TENM2: variants seen among roughly 807,000 people sequenced by gnomAD.
TENM2 encodes teneurin transmembrane protein 2.
In TENM2, 52 loss-of-function variants were observed where a neutral mutation model predicts 245.2. That is an observed-to-expected ratio of 0.21 (90% CI 0.17 to 0.27). The LOEUF (loss-of-function observed/expected upper bound fraction) is 0.27, where lower values mean the gene tolerates loss of function less well. Ranked by LOEUF, TENM2 falls within the 10% of genes least tolerant of loss-of-function variation. The pLI is 1.00. For synonymous variants in TENM2, 1,363 were observed against 1,438.9 expected (o/e 0.95, Z 1.19); for missense variants, 3,046 against 3,666.8 (o/e 0.83, Z 4.37).
intron 2 of TENM2, among the ~76,000 whole-genome samples, chr5:167,398,126 C>A (rs989367295): frequency 6.6e-6 from 1 of 152,138 alleles, no homozygotes; most frequent in Non-Finnish European, 1.5e-5. Flanking sequence ...GGGCAACAGA[C>A]CTAAATCTCT....
the TENM2 span, among the ~76,000 whole-genome samples, chr5:167,055,071 C>T: frequency 6.6e-6 from 1 of 151,836 alleles, no homozygotes; most frequent in South Asian, 2.1e-4. Context: ...TGGATTGTGC[C>T]TTTGATGTTG....
chr5:167,469,889 C>T (rs1766904968), intron 2 of TENM2, among the ~76,000 whole-genome samples: 2 of 152,016 alleles, frequency 1.3e-5, no homozygotes, highest in Non-Finnish European at 2.9e-5. Context: ...AGAAAAATTG[C>T]AAATGTGTTT....
In TENM2 at chr5:168,247,263, T is replaced by A; in HGVS notation, c.6324T>A (p.Ser2108Arg). The change falls in exon 27 of 29, where the codon AGT becomes AGA. Residue 2108 changes from serine to arginine, a missense_variant. By Grantham distance (110) the Ser-to-Arg change is moderately radical. This residue lies in a region of TENM2 where 2,704 missense variants were observed against 3,331.9 expected (regional missense o/e 0.81). Transcript: ENST00000518659. The surrounding 1 kb of genome is among the most constrained non-coding windows in gnomAD (Gnocchi z 7.8). The stretch of plus-strand genomic sequence containing the variant: ...TCGCAAGCATCAAGCCCGTCATAAG[T>A]GAGACTCCCCTCCCCGTTGACCTCT... 1 of 1,613,986 alleles carries A rather than the reference T, an allele frequency of 6.2e-7. No individual in the cohort carries two copies. Among genetic ancestry groups the A allele is most frequent in the Non-Finnish European group, 8.5e-7 (1 of 1,179,894 alleles).
chr5:167,952,360 T>C (rs1780177060), intron 3 of TENM2: 2 of 588,276 alleles, frequency 3.4e-6, no homozygotes, highest in African/African-American at 3.7e-5. Flanking sequence ...TAAATTAGTT[T>C]CTCATTATTC....
chr5:167,233,842 A>G, the TENM2 span, among the ~76,000 whole-genome samples: 1 of 152,148 alleles, frequency 6.6e-6, no homozygotes, highest in Non-Finnish European at 1.5e-5. Flanking sequence ...TGTATGTATG[A>G]CAGGCTCATA....
intron 3 of TENM2, among the ~76,000 whole-genome samples, chr5:167,946,563 A>G: frequency 6.6e-6 from 1 of 152,228 alleles, no homozygotes; most frequent in Non-Finnish European, 1.5e-5. Context: ...CAAATGTGCA[A>G]AGAAATGAGT....
chr5:167,505,590 T>A lies in TENM2; in HGVS notation c.502+130117T>A, dbSNP rs78778063. 3.3e-3 allele frequency among the ~76,000 whole-genome samples: 496 copies of A among 152,316 alleles called. 24 individuals carry two copies. The South Asian group carries it at 0.082, about 25-fold the overall frequency. On this transcript the variant is annotated intron_variant, in intron 2 of 28. Transcript: ENST00000518659. ...GTTGTTTTAAAATACTCAATTTGTA[T>A]GGAGTTTGGATATTTTATGAAGTAA...
At chr5:167,135,304 C>T in the TENM2 span, among the ~76,000 whole-genome samples, 3,424 of 152,190 alleles carry the variant, frequency 0.022, 119 homozygotes, top group African/African-American at 0.075. Flanking sequence ...AAGTGAATTG[C>T]GCCCCGAAAC....
chr5:167,697,072 A>G (rs1166655065), intron 2 of TENM2, among the ~76,000 whole-genome samples: 1 of 152,038 alleles, frequency 6.6e-6, no homozygotes, highest in Non-Finnish European at 1.5e-5. Context: ...AGTTTCTCAC[A>G]CTTGCCTGGT....
the TENM2 span, among the ~76,000 whole-genome samples, chr5:167,128,426 C>T: frequency 7.2e-5 from 11 of 151,990 alleles, no homozygotes; most frequent in South Asian, 1.5e-3. Flanking sequence ...AAAACTCAGA[C>T]GGCTGATTCA....
rs192619904 is a variant in TENM2, at chr5:167,364,320, A to G, written c.227-10878A>G. ...AAAAAATCTGTGAAAAGATAGACAA[A>G]AAGCCTAGACAAAATTTAAATGAAA... On this transcript the variant is annotated intron_variant, in intron 1 of 28. Transcript: ENST00000518659. Among the ~76,000 whole-genome samples, 1,081 of 152,268 alleles carry G rather than the reference A, an allele frequency of 7.1e-3. 11 individuals carry two copies. The highest frequency in any genetic ancestry group is 0.054 in the Middle Eastern group (16 of 294).
intron 2 of TENM2, among the ~76,000 whole-genome samples, chr5:167,832,583 G>A (rs970424193): frequency 1.6e-4 from 25 of 152,058 alleles, no homozygotes; most frequent in African/African-American, 5.6e-4. Context: ...GTGCAAGTGT[G>A]GATGGATGGA....
At chr5:167,075,949 C>A in the TENM2 span, among the ~76,000 whole-genome samples, 3 of 152,170 alleles carry the variant, frequency 2.0e-5, no homozygotes, top group Non-Finnish European at 4.4e-5. Flanking sequence ...CAATAAGGGG[C>A]TTTATAAACA....
chr5:167,732,923 A>G (rs1307012318), intron 2 of TENM2, among the ~76,000 whole-genome samples: 1 of 152,234 alleles, frequency 6.6e-6, no homozygotes, highest in Non-Finnish European at 1.5e-5. Context: ...CCATGTGTTC[A>G]CTTTTCATTA....
chr5:168,103,431 C>G (rs1793981027), intron 9 of TENM2, among the ~76,000 whole-genome samples: 1 of 152,142 alleles, frequency 6.6e-6, no homozygotes, highest in African/African-American at 2.4e-5. Flanking sequence ...TCCCACATTG[C>G]ATTTAATCGT....
intron 2 of TENM2, among the ~76,000 whole-genome samples, chr5:167,863,914 A>G (rs1772072212): frequency 6.6e-6 from 1 of 152,316 alleles, no homozygotes; most frequent in South Asian, 2.1e-4. Context: ...TATGTTATCC[A>G]TGTCCTAACA....
intron 2 of TENM2, among the ~76,000 whole-genome samples, chr5:167,775,129 C>T (rs985591904): frequency 1.3e-5 from 2 of 152,118 alleles, no homozygotes; most frequent in Admixed American, 6.5e-5. Context: ...CCACCACACC[C>T]AGCTAATTTT....
chr5:167,049,926 A>G, the TENM2 span, among the ~76,000 whole-genome samples: 3 of 152,208 alleles, frequency 2.0e-5, no homozygotes, highest in Non-Finnish European at 4.4e-5. Context: ...ACTTACTTCA[A>G]TCTGTTGTGT....
intron 1 of TENM2, among the ~76,000 whole-genome samples, chr5:167,329,389 CA>C (rs34894963): frequency 5.7e-4 from 74 of 129,630 alleles, no homozygotes; most frequent in Middle Eastern, 4.0e-3. Flanking sequence ...ACTAAAAATA[CA>C]AAAAAAAAAA....
Sources: allele counts gnomAD v4.1 joint callset (sites outside exome capture counted in the v4.1 genomes callset), GRCh38; gene constraint gnomAD v4.1.1; regional missense constraint gnomAD v4.1.1; non-coding constraint Gnocchi (gnomAD v3.1); transcripts MANE v1.5; gene names NCBI Gene and HGNC (gene_info 2026-07-23, HGNC 2026-07-21).